Variants in RPS6KA6 observed in about 807,000 individuals in gnomAD.
RPS6KA6 encodes the protein ribosomal protein S6 kinase alpha-6.
A neutral mutation model predicts 65.4 loss-of-function variants in RPS6KA6; 27 were observed. That is an observed-to-expected ratio of 0.41 (90% confidence interval 0.30 to 0.57). RPS6KA6 has a LOEUF of 0.57. Among genes scored for constraint, RPS6KA6 ranks in the 20% least tolerant of loss-of-function variants. The probability of loss-of-function intolerance (pLI) is 0.24; values close to 1 mark genes in which losing one functional copy is unlikely to be tolerated. For missense variants in RPS6KA6, 486 were observed against 555.6 expected (o/e 0.87, Z 1.26); for synonymous variants, 190 against 184.2 (o/e 1.03, Z -0.26).
At chrX:84,139,519 T>G (rs1569230351) in intron 6 of RPS6KA6, among the ~76,000 whole-genome samples, 1 of 111,812 alleles carries the variant, frequency 8.9e-6, no homozygotes, top group African/African-American at 3.3e-5. Context: ...TAGACAGATA[T>G]AAGCCAGAGA....
chrX:84,076,728 A>G (rs1164901337), intron 20 of RPS6KA6, among the ~76,000 whole-genome samples: 1 of 111,759 alleles, frequency 8.9e-6, no homozygotes, highest in Non-Finnish European at 1.9e-5. Context: ...ACTCAAGATC[A>G]GGAACAAAAC....
At chrX:84,111,133 A>C (rs1461285096) in intron 12 of RPS6KA6, among the ~76,000 whole-genome samples, 1 of 103,484 alleles carries the variant, frequency 9.7e-6, no homozygotes, top group African/African-American at 3.4e-5. Context: ...TTTGAATTAA[A>C]TCAGATAAAA....
intron 20 of RPS6KA6, among the ~76,000 whole-genome samples, chrX:84,083,738 G>A (rs2033856157): frequency 8.9e-6 from 1 of 112,221 alleles, no homozygotes; most frequent in African/African-American, 3.2e-5. Flanking sequence ...TATATACCCA[G>A]TAATGGGATT....
chrX:84,094,233 G>A (rs1314116461), intron 20 of RPS6KA6, among the ~76,000 whole-genome samples: 1 of 104,737 alleles, frequency 9.5e-6, no homozygotes, highest in Non-Finnish European at 1.9e-5. Context: ...AGAAGTCCTT[G>A]GAATTATAGC....
chrX:84,148,002 T>C, intron 4 of RPS6KA6, 40 bp downstream of exon 4: 1 of 864,727 alleles, frequency 1.2e-6, no homozygotes. Flanking sequence ...TAAACTACAC[T>C]TTGTCAAATT....
intron 3 of RPS6KA6, among the ~76,000 whole-genome samples, chrX:84,153,471 T>C (rs1201192399): frequency 9.0e-6 from 1 of 111,697 alleles, no homozygotes; most frequent in African/African-American, 3.2e-5. Context: ...GACAGAATTG[T>C]ATATGCACCT....
chrX:84,148,739 A>C (rs1432877808), intron 3 of RPS6KA6, among the ~76,000 whole-genome samples: 1 of 111,541 alleles, frequency 9.0e-6, no homozygotes, highest in Non-Finnish European at 1.9e-5. Flanking sequence ...AAAAATGCTA[A>C]TGATCATCTG....
chrX:84,130,084 C>T (rs1481849615), intron 8 of RPS6KA6, among the ~76,000 whole-genome samples: 1 of 111,026 alleles, frequency 9.0e-6, no homozygotes, highest in Non-Finnish European at 1.9e-5. Flanking sequence ...CATTGCATGC[C>T]TGTATCAAAA....
chrX:84,159,699 A>G (rs1470730047), intron 2 of RPS6KA6, among the ~76,000 whole-genome samples: 2 of 110,872 alleles, frequency 1.8e-5, no homozygotes, highest in African/African-American at 6.5e-5. Context: ...ATGTCCCCTA[A>G]CAGTTAATAT....
rs973949772 is a variant in RPS6KA6 at position 84,120,104 on chromosome X, G to A, written c.647-77C>T. ...AAAACGTCAAAAGAAACAAAATAAT[G>A]TATTAAACATTACAATTATTTATGG... is the stretch of plus-strand genomic sequence containing the variant. On this transcript the variant is annotated intron_variant, in intron 8 of 21. Transcript: ENST00000262752. 2.5e-5 allele frequency: 18 copies of A among 706,668 alleles called. No homozygotes were observed. In the African/African-American group the frequency reaches 3.6e-4, roughly 14 times the overall value. The allele number at this position is 706,668 out of a possible 1,213,427, so 58.2% of individuals were successfully genotyped here.
At chrX:84,150,054 A>ACTT (rs1345292879) in intron 3 of RPS6KA6, among the ~76,000 whole-genome samples, 1 of 99,758 alleles carries the variant, frequency 1.0e-5, no homozygotes, top group African/African-American at 3.4e-5. Context: ...ATTACCTTAC[A>ACTT]CTTTTATGTT....
At chrX:84,147,933 C>A in intron 4 of RPS6KA6, 109 bp downstream of exon 4, 1 of 414,532 alleles carries the variant, frequency 2.4e-6, no homozygotes, top group Non-Finnish European at 4.0e-6. Flanking sequence ...GCCACAAATA[C>A]CAATGTTAAA....
chrX:84,160,178 C>A (rs1348398629), intron 2 of RPS6KA6, among the ~76,000 whole-genome samples: 1 of 111,134 alleles, frequency 9.0e-6, no homozygotes, highest in Non-Finnish European at 1.9e-5. Context: ...GAATCTGAGG[C>A]CAGGATGACT....
chrX:84,148,460 GATTTA>G (rs1461929118), intron 3 of RPS6KA6, among the ~76,000 whole-genome samples: 2 of 110,420 alleles, frequency 1.8e-5, no homozygotes, highest in Admixed American at 9.7e-5. Context: ...ACTTTTCTTA[GATTTA>G]ATTTAGTTTT....
chrX:84,075,570 A>G (rs2033648018), intron 20 of RPS6KA6, among the ~76,000 whole-genome samples: 1 of 111,407 alleles, frequency 9.0e-6, no homozygotes, highest in Non-Finnish European at 1.9e-5. Context: ...AAAATCAAGA[A>G]AATTTCATCA....
intron 20 of RPS6KA6, among the ~76,000 whole-genome samples, chrX:84,091,184 T>A (rs1223055747): frequency 8.9e-6 from 1 of 112,288 alleles, no homozygotes; most frequent in East Asian, 2.8e-4. Context: ...TAAAAGCGAC[T>A]TCAAGCCAAA....
In RPS6KA6 at chrX:84,117,121, A is replaced by G. The variant is rs2034583554; in HGVS notation, c.888T>C (p.Leu296=). ...TTAGAAGACTTTGTGCTTCAGCACT[A>G]AGAAATTGAGGCATTCCAAGTTTTG... ...LKAKLGMPQF[L]SAEAQSLLRM... is the part of the protein sequence containing the mutation. Residue 296 remains leucine (L), a synonymous_variant, in exon 11 of 22, where the codon CTT becomes CTC. Coordinates refer to ENST00000262752, the MANE Select transcript of RPS6KA6 (RefSeq NM_014496.5). 2 of 1,195,772 alleles carry G rather than the reference A, an allele frequency of 1.7e-6. No homozygotes were observed. Among genetic ancestry groups the G allele is most frequent in the Middle Eastern group, 4.8e-4 (2 of 4,169 alleles).
chrX:84,150,886 T>TAGAGGATATATATAGGATATATAG (rs2035295051), intron 3 of RPS6KA6, among the ~76,000 whole-genome samples: 2 of 89,223 alleles, frequency 2.2e-5, no homozygotes, highest in East Asian at 3.9e-4. Flanking sequence ...TATATATATA[T>TAGAGGATATATATAGGATATATAG]AGAGGATATA....
chrX:84,064,507 T>C, intron 21 of RPS6KA6, 105 bp from the exon 22 acceptor site: 1 of 759,027 alleles, frequency 1.3e-6, no homozygotes. Context: ...ACAAAATGTT[T>C]TCCTAGGAAA....
Sources: allele counts gnomAD v4.1 joint callset (sites outside exome capture counted in the v4.1 genomes callset), GRCh38; gene constraint gnomAD v4.1.1; transcripts MANE v1.5; gene names NCBI Gene and HGNC (gene_info 2026-07-23, HGNC 2026-07-21).